The following RAD54L2 variants were observed in gnomAD, a reference collection of about 807,000 sequenced individuals.
RAD54L2 encodes helicase ARIP4.
A neutral mutation model predicts 138.4 loss-of-function variants in RAD54L2; 27 were observed. The ratio of observed to expected loss-of-function variants is 0.20; its 90% CI spans 0.14 to 0.27. The LOEUF (loss-of-function observed/expected upper bound fraction) is 0.27. RAD54L2 is among the 10% of genes least tolerant of loss of function. RAD54L2 has a pLI of 1.00. For synonymous variants in RAD54L2, 644 were observed against 723.2 expected (o/e 0.89, Z 1.76); for missense variants, 1,396 against 1,890.2 (o/e 0.74, Z 4.85).
chr3:51,611,101 AT>A (rs112744976), intron 3 of RAD54L2, among the ~76,000 whole-genome samples: 1,527 of 144,726 alleles, frequency 0.011, 14 homozygotes, highest in African/African-American at 0.027. Flanking sequence ...CCTTTAACAG[AT>A]TTTTTTTTTT....
chr3:51,583,749 GTTAA>G (rs1391657999), intron 2 of RAD54L2, among the ~76,000 whole-genome samples: 13 of 151,836 alleles, frequency 8.6e-5, no homozygotes, highest in African/African-American at 3.1e-4. Context: ...CTTCTTAAAG[GTTAA>G]TTGTAATACA....
chr3:51,548,500 T>C (rs989185216), intron 2 of RAD54L2, among the ~76,000 whole-genome samples: 2 of 152,074 alleles, frequency 1.3e-5, no homozygotes, highest in African/African-American at 4.8e-5. Context: ...CATTTTCATA[T>C]ATATATTTAC....
intron 2 of RAD54L2, among the ~76,000 whole-genome samples, chr3:51,572,403 A>C (rs2106666430): frequency 6.6e-6 from 1 of 151,388 alleles, no homozygotes; most frequent in South Asian, 2.1e-4. Context: ...CAGTGAGCCA[A>C]GATTGTGCCA....
chr3:51,658,994 A>C (rs897703884), intron 21 of RAD54L2, among the ~76,000 whole-genome samples: 1 of 151,812 alleles, frequency 6.6e-6, no homozygotes, highest in Admixed American at 6.6e-5. Flanking sequence ...GATTTTTTGG[A>C]GTACAGTCAT....
intron 3 of RAD54L2, among the ~76,000 whole-genome samples, chr3:51,618,134 A>ATTTTTTT (rs58259844): frequency 4.5e-5 from 5 of 112,134 alleles, no homozygotes; most frequent in Non-Finnish European, 7.7e-5. Context: ...AATATTTTGT[A>ATTTTTTT]TTTTTTTTTT....
In RAD54L2 at chr3:51,662,387, G is replaced by T. The variant is rs1701801628; in HGVS notation, c.3410-39G>T. 6.8e-7 allele frequency: 1 copy of T among 1,468,770 alleles called. No homozygotes were observed. The highest frequency in any genetic ancestry group is 2.5e-5 in the Admixed American group (1 of 40,560). 91.0% of individuals were successfully genotyped at this position (1,468,770 alleles called of 1,614,324 possible). On this transcript the variant is annotated intron_variant, in intron 22 of 22. Transcript: ENST00000684192. The surrounding 1 kb of genome is among the most constrained non-coding windows in gnomAD (Gnocchi z 4.6). Reference sequence around the variant, plus strand: ...TCTCCTCTACCCTTCTTCTCTCCCTGGCCACTCTGATTCTCAGTTAACTAC... The same window carrying T: ...TCTCCTCTACCCTTCTTCTCTCCCTTGCCACTCTGATTCTCAGTTAACTAC...
intron 2 of RAD54L2, among the ~76,000 whole-genome samples, chr3:51,562,554 AG>A (rs1699123699): frequency 6.6e-6 from 1 of 152,092 alleles, no homozygotes; most frequent in African/African-American, 2.4e-5. Context: ...TAGTACAGAC[AG>A]GGTTTCACCA....
At chr3:51,574,433 A>G (rs2106672127) in intron 2 of RAD54L2, among the ~76,000 whole-genome samples, 1 of 152,298 alleles carries the variant, frequency 6.6e-6, no homozygotes, top group South Asian at 2.1e-4. Context: ...TGTCTTCCAC[A>G]ATGGTTGAAC....
At position 51,666,209 on chromosome 3, in the gene RAD54L2, T is replaced by TTTA. The variant is rs1701909521; in HGVS notation, c.*2789_*2790insTTA. The TTTA allele has an allele frequency of 9.8e-5, 12 of 122,752 alleles. No homozygotes were observed. Among genetic ancestry groups the TTTA allele is most frequent in the African/African-American group, 3.6e-4 (11 of 30,200 alleles). 7.6% of individuals were successfully genotyped at this position (122,752 alleles called of 1,614,324 possible). On this transcript the variant is annotated 3_prime_UTR_variant, in exon 23 of 23. Coordinates refer to ENST00000684192, the MANE Select transcript of RAD54L2 (RefSeq NM_015106.4). The stretch of plus-strand genomic sequence containing the variant: ...TTTTTTTTTTTTTTTTTTTTTTTTT[T>TTTA]AAAGAAAATAACCTGAAAACACTTC...
rs1577447932 is a variant in RAD54L2 at position 51,637,581 on chromosome 3, G to A, written c.1682+78G>A. The A allele has an allele frequency of 2.3e-5, 32 of 1,411,704 alleles. No homozygotes were observed. The highest frequency in any genetic ancestry group is 2.8e-5 in the Non-Finnish European group (29 of 1,045,608). The allele number at this position is 1,411,704 out of a possible 1,614,324, so 87.4% of individuals were successfully genotyped here. On this transcript the variant is annotated intron_variant, in intron 11 of 22. Coordinates refer to ENST00000684192, the MANE Select transcript of RAD54L2 (RefSeq NM_015106.4). The surrounding 1 kb of genome is among the most constrained non-coding windows in gnomAD (Gnocchi z 5.9). ...AAGGGCATGCCAAACCTGTTATACA[G>A]GATAGGGTGTTGGAGTAGGAGGGCC...
chr3:51,546,265 G>A (rs1482423675), intron 2 of RAD54L2, among the ~76,000 whole-genome samples: 1 of 151,828 alleles, frequency 6.6e-6, no homozygotes, highest in Non-Finnish European at 1.5e-5. Context: ...TCATGCAAGT[G>A]ACAAAATAGC....
At chr3:51,545,787 C>T (rs962732205) in intron 2 of RAD54L2, among the ~76,000 whole-genome samples, 5 of 151,772 alleles carry the variant, frequency 3.3e-5, no homozygotes, top group Admixed American at 2.6e-4. Context: ...CACTATGTTG[C>T]GCAGGCTGGT....
At chr3:51,629,756 G>A (rs934683966) in intron 5 of RAD54L2, among the ~76,000 whole-genome samples, 1 of 152,120 alleles carries the variant, frequency 6.6e-6, no homozygotes, top group African/African-American at 2.4e-5. Flanking sequence ...CCAGCTACTA[G>A]GAGGCTGAGG....
intron 2 of RAD54L2, among the ~76,000 whole-genome samples, chr3:51,559,931 G>A (rs1312705702): frequency 9.9e-5 from 15 of 152,168 alleles, no homozygotes; most frequent in Admixed American, 9.8e-4. Context: ...ATACTGTTTT[G>A]TATGTTTCAC....
intron 3 of RAD54L2, among the ~76,000 whole-genome samples, chr3:51,626,434 A>ATTTTTTTTTTTTT (rs1302087610): frequency 9.8e-4 from 12 of 12,270 alleles, no homozygotes; most frequent in Non-Finnish European, 1.4e-3. Context: ...ACCCCCAACG[A>ATTTTTTTTTTTTT]TCTTTTTTTT....
At chr3:51,628,552 G>T (rs1250958629) in intron 4 of RAD54L2, among the ~76,000 whole-genome samples, 1 of 151,966 alleles carries the variant, frequency 6.6e-6, no homozygotes, top group African/African-American at 2.4e-5. Context: ...ACCACACCTG[G>T]CTAATTTTTG....
At position 51,637,233 on chromosome 3, in the gene RAD54L2, G is replaced by A; in HGVS notation, c.1412G>A (p.Cys471Tyr). The A allele has an allele frequency of 6.3e-7, 1 of 1,597,024 alleles. No individual in the cohort carries two copies. The highest frequency in any genetic ancestry group is 8.5e-7 in the Non-Finnish European group (1 of 1,171,774). Residue 471 changes from cysteine to tyrosine, a missense_variant, in exon 11 of 23, where the codon TGC becomes TAC. By Grantham distance (194) the Cys-to-Tyr change is radical. Around this residue, in one of 7 missense-constraint regions of RAD54L2, gnomAD observed 169 missense variants for 235.6 expected, o/e 0.72. Transcript: ENST00000684192. This position sits in a 1 kb window ranked among gnomAD's most constrained non-coding sequence, Gnocchi z 5.9. ...GATGAGGGACACCGCATCAAAAACTGCCAGGCCAGCACCTCACAGGCTCTG... is the reference window on the plus strand; with the variant it reads ...GATGAGGGACACCGCATCAAAAACTACCAGGCCAGCACCTCACAGGCTCTG... ...ICDEGHRIKN[C>Y]QASTSQALKN...
chr3:51,646,909 CTG>C (rs1275484133), intron 19 of RAD54L2, among the ~76,000 whole-genome samples: 1 of 152,202 alleles, frequency 6.6e-6, no homozygotes, highest in Non-Finnish European at 1.5e-5. Context: ...CATTCTGTGT[CTG>C]TGCCATGATC....
intron 1 of RAD54L2, among the ~76,000 whole-genome samples, chr3:51,539,188 G>C (rs1698489195): frequency 6.6e-6 from 1 of 152,192 alleles, no homozygotes; most frequent in Non-Finnish European, 1.5e-5. Flanking sequence ...TAGGGACACG[G>C]AGACTTAACT....
Sources: allele counts gnomAD v4.1 joint callset (sites outside exome capture counted in the v4.1 genomes callset), GRCh38; gene constraint gnomAD v4.1.1; regional missense constraint gnomAD v4.1.1; non-coding constraint Gnocchi (gnomAD v3.1); transcripts MANE v1.5; gene names NCBI Gene and HGNC (gene_info 2026-07-23, HGNC 2026-07-21).